Variants in RABGAP1 observed in about 807,000 individuals in gnomAD.
RABGAP1 encodes the protein RAB GTPase activating protein 1, also known as rab GTPase-activating protein 1.
RABGAP1 carries 23 observed loss-of-function variants against 137.6 expected under a neutral mutation model. The observed-to-expected ratio is 0.17, with a 90% confidence interval of 0.12 to 0.24. The LOEUF (loss-of-function observed/expected upper bound fraction) is 0.24, where lower values mean the gene tolerates loss of function less well. Ranked by LOEUF, RABGAP1 falls within the 10% of genes least tolerant of loss-of-function variation. The pLI, the probability that RABGAP1 is intolerant of heterozygous loss-of-function variation, is 1.00. For synonymous variants in RABGAP1, 451 were observed against 450.7 expected (o/e 1.00, Z -0.01); for missense variants, 906 against 1,275.8 (o/e 0.71, Z 4.42).
intron 2 of RABGAP1, among the ~76,000 whole-genome samples, chr9:122,967,091 G>A (rs12002865): frequency 0.067 from 10,134 of 152,262 alleles, 401 homozygotes; most frequent in African/African-American, 0.083. Context: ...AGAATTCCTT[G>A]TAAGACAAGT....
chr9:123,062,535 A>G (rs1379462280), intron 13 of RABGAP1: 6 of 152,210 alleles, frequency 3.9e-5, no homozygotes, highest in African/African-American at 9.6e-5. Flanking sequence ...CTTAAGGCCA[A>G]ATATTTTAAG....
At chr9:123,061,081 C>T (rs1300163376) in intron 13 of RABGAP1, among the ~76,000 whole-genome samples, 2 of 152,160 alleles carry the variant, frequency 1.3e-5, no homozygotes, top group African/African-American at 2.4e-5. Flanking sequence ...GGGCCAGGTT[C>T]AGTTTGCCTC....
At chr9:123,002,470 C>G (rs1289065457) in intron 10 of RABGAP1, among the ~76,000 whole-genome samples, 3 of 150,714 alleles carry the variant, frequency 2.0e-5, no homozygotes, top group African/African-American at 4.9e-5. Context: ...ACCCTTTAAT[C>G]TCATTTTAGT....
chr9:123,099,357 G>C, intron 23 of RABGAP1, 121 bp from the exon 24 acceptor site: 1 of 886,500 alleles, frequency 1.1e-6, no homozygotes. Flanking sequence ...CCCCTCCTGA[G>C]CGGTAGCAGG....
At chr9:123,081,334 T>G (rs2034700983) in intron 19 of RABGAP1, among the ~76,000 whole-genome samples, 1 of 152,242 alleles carries the variant, frequency 6.6e-6, no homozygotes, top group South Asian at 2.1e-4. Flanking sequence ...TAACTCGTGT[T>G]GTTCAAGGGT....
chr9:123,088,040 T>A (rs1588400723), intron 19 of RABGAP1, among the ~76,000 whole-genome samples: 1 of 144,892 alleles, frequency 6.9e-6, no homozygotes, highest in African/African-American at 2.9e-5. Context: ...TAGTTTCATA[T>A]TCTTTTTTTT....
chr9:122,966,851 AC>A (rs2131666204), intron 2 of RABGAP1, among the ~76,000 whole-genome samples: 1 of 152,330 alleles, frequency 6.6e-6, no homozygotes, highest in East Asian at 1.9e-4. Context: ...GTCATGTCTT[AC>A]ATGGATGGAA....
At chr9:122,947,687 A>G (rs1834015114) in intron 1 of RABGAP1, among the ~76,000 whole-genome samples, 1 of 152,186 alleles carries the variant, frequency 6.6e-6, no homozygotes, top group Non-Finnish European at 1.5e-5. Context: ...TGAGTTTTAG[A>G]TAAGCTAGTT....
intron 19 of RABGAP1, among the ~76,000 whole-genome samples, chr9:123,079,147 GTTTA>G (rs1347360816): frequency 6.6e-6 from 1 of 151,386 alleles, no homozygotes; most frequent in South Asian, 2.1e-4. Context: ...CTGTGCTACA[GTTTA>G]TTTAACTGTG....
intron 3 of RABGAP1, among the ~76,000 whole-genome samples, 176 bp from the exon 4 acceptor site, chr9:122,986,039 A>G (rs1836352739): frequency 6.6e-6 from 1 of 152,220 alleles, no homozygotes; most frequent in Non-Finnish European, 1.5e-5. Flanking sequence ...TGTTTCTGAC[A>G]GAGTTCTAGT....
At chr9:122,995,566 A>T (rs1162455000) in intron 6 of RABGAP1, among the ~76,000 whole-genome samples, 15 of 118,454 alleles carry the variant, frequency 1.3e-4, no homozygotes, top group East Asian at 2.4e-4. Flanking sequence ...ATATCAAATG[A>T]TTTTTTTTTT....
intron 13 of RABGAP1, among the ~76,000 whole-genome samples, chr9:123,026,587 C>G (rs2131958869): frequency 6.6e-6 from 1 of 152,246 alleles, no homozygotes; most frequent in African/African-American, 2.4e-5. Flanking sequence ...GCTCCTCAAC[C>G]CTGGCCTCTA....
At chr9:122,995,526 T>C (rs1443758644) in intron 6 of RABGAP1, among the ~76,000 whole-genome samples, 1 of 152,092 alleles carries the variant, frequency 6.6e-6, no homozygotes, top group East Asian at 1.9e-4. Context: ...TTTTTTTAGC[T>C]TTATAAATGC....
chr9:123,088,665 G>T (rs938346764), intron 19 of RABGAP1, among the ~76,000 whole-genome samples: 1 of 152,134 alleles, frequency 6.6e-6, no homozygotes, highest in Admixed American at 6.5e-5. Context: ...TCCAGCTTGG[G>T]TGATAGAGAT....
intron 19 of RABGAP1, among the ~76,000 whole-genome samples, chr9:123,079,291 G>C (rs888519273): frequency 1.3e-5 from 2 of 149,072 alleles, no homozygotes; most frequent in African/African-American, 5.0e-5. Flanking sequence ...CCAGGCCGGA[G>C]TGCAGTGGCG....
chr9:123,038,192 C>T (rs1246951961), intron 13 of RABGAP1, among the ~76,000 whole-genome samples: 1 of 152,042 alleles, frequency 6.6e-6, no homozygotes, highest in African/African-American at 2.4e-5. Context: ...TATCCTGACA[C>T]TAGATTGGAT....
intron 17 of RABGAP1, 21 bp downstream of exon 17, chr9:123,074,449 C>A (rs186400186): frequency 1.2e-6 from 2 of 1,600,848 alleles, no homozygotes; most frequent in Admixed American, 1.7e-5. Context: ...GAGGCCACAG[C>A]ACTTTGGCTT....
intron 13 of RABGAP1, chr9:123,035,661 TGTGTGTG>T (rs2032610209): frequency 1.1e-6 from 1 of 874,824 alleles, no homozygotes; most frequent in Non-Finnish European, 1.8e-6. Flanking sequence ...TGTGTGTGTG[TGTGTGTG>T]TGTGTGTGTG....
chr9:123,070,697 CT>C lies in RABGAP1; in HGVS notation c.1983+275del, dbSNP rs1345712220. On this transcript the variant is annotated intron_variant, in intron 15 of 25. Transcript: ENST00000373647. The surrounding 1 kb of genome is among the most constrained non-coding windows in gnomAD (Gnocchi z 4.4). ...GAGAGACTTTAATGTTGGTTGAACT[CT>C]TGGGGACGTTTTATCTTCTCTAAAG... 6.6e-6 allele frequency among the ~76,000 whole-genome samples: 1 copy of C among 152,134 alleles called. No individual in the cohort carries two copies. The highest frequency in any genetic ancestry group is 1.5e-5 in the Non-Finnish European group (1 of 68,028).
Sources: gnomAD v4.1 joint callset for allele counts (sites outside exome capture counted in the v4.1 genomes callset) on GRCh38, gnomAD v4.1.1 for gene constraint, Gnocchi (gnomAD v3.1) non-coding constraint, MANE v1.5 for transcripts, NCBI Gene and HGNC (gene_info 2026-07-23, HGNC 2026-07-21) for gene names.